Variants in SPTLC1 observed in about 807,000 individuals in gnomAD.
The protein encoded by SPTLC1 is serine palmitoyltransferase 1.
Under a neutral mutation model 68.9 loss-of-function variants are expected in SPTLC1, and 55 were observed. That is an observed-to-expected ratio of 0.80 (90% CI 0.64 to 1.00). The LOEUF (loss-of-function observed/expected upper bound fraction) is 1.00, where lower values mean the gene tolerates loss of function less well. Ranked by LOEUF, SPTLC1 falls within the 50% of genes least tolerant of loss-of-function variation. SPTLC1 has a pLI of 0.00. For synonymous variants in SPTLC1, 197 were observed against 201.6 expected, an observed-to-expected ratio of 0.98 and a Z score of 0.19; for missense variants, 449 against 573.1, an observed-to-expected ratio of 0.78 and a Z score of 2.21.
chr9:92,043,722 C>T (rs1427529954), intron 12 of SPTLC1, among the ~76,000 whole-genome samples: 2 of 152,302 alleles, frequency 1.3e-5, no homozygotes, highest in Non-Finnish European at 1.5e-5. Flanking sequence ...CTTTCACCTG[C>T]GTCAATCTCC....
At chr9:92,114,722 C>G (rs1230296057) in intron 1 of SPTLC1, among the ~76,000 whole-genome samples, 3 of 147,918 alleles carry the variant, frequency 2.0e-5, no homozygotes, top group Non-Finnish European at 3.0e-5. Context: ...GCAACAAGTG[C>G]GAAACACCGT....
At chr9:92,077,076 C>T (rs1834707599) in intron 5 of SPTLC1, 1 of 152,180 alleles carries the variant, frequency 6.6e-6, no homozygotes, top group African/African-American at 2.4e-5. Context: ...TAAAAACACA[C>T]CTTACTAAAC....
intron 5 of SPTLC1, among the ~76,000 whole-genome samples, chr9:92,070,809 C>T (rs1229263424): frequency 6.6e-6 from 1 of 152,200 alleles, no homozygotes; most frequent in African/African-American, 2.4e-5. Flanking sequence ...TGTTTAATTA[C>T]ATTAATACTT....
At chr9:92,041,199 A>C (rs886780953) in intron 12 of SPTLC1, among the ~76,000 whole-genome samples, 4 of 152,164 alleles carry the variant, frequency 2.6e-5, no homozygotes, top group African/African-American at 4.8e-5. Flanking sequence ...CCTTTCCCAA[A>C]CTCAATCTCA....
At chr9:92,062,439 TAGA>T (rs1232559090) in intron 6 of SPTLC1, among the ~76,000 whole-genome samples, 2 of 152,160 alleles carry the variant, frequency 1.3e-5, no homozygotes, top group African/African-American at 2.4e-5. Context: ...CAACAACTGA[TAGA>T]AGAACTAGAC....
intron 5 of SPTLC1, among the ~76,000 whole-genome samples, chr9:92,076,518 C>T (rs1003486291): frequency 1.3e-5 from 2 of 152,188 alleles, no homozygotes; most frequent in Non-Finnish European, 2.9e-5. Context: ...CTCCTTCTCC[C>T]TGCCTCTCAA....
intron 3 of SPTLC1, among the ~76,000 whole-genome samples, chr9:92,100,056 A>G (rs1347729497): frequency 6.6e-6 from 1 of 152,056 alleles, no homozygotes; most frequent in Non-Finnish European, 1.5e-5. Flanking sequence ...ACTGTAAGGA[A>G]ACCTGGGGAA....
At position 92,106,785 on chromosome 9, in the gene SPTLC1, G is replaced by A. The variant is rs180811746; in HGVS notation, c.260+1955C>T. The stretch of plus-strand genomic sequence containing the variant: ...TGAGAAAGGAGGCTGCTCTCATTCA[G>A]CTGCAGTTTCAGTGCCTCTGACCTC... On this transcript the variant is annotated intron_variant, in intron 3 of 14. Transcript: ENST00000262554. 2.8e-3 allele frequency among the ~76,000 whole-genome samples: 429 copies of A among 152,188 alleles called. 3 individuals are homozygous for A. Among genetic ancestry groups the A allele is most frequent in the African/African-American group, 9.9e-3 (410 of 41,510 alleles).
At chr9:92,039,704 C>T (rs1452761684) in intron 12 of SPTLC1, among the ~76,000 whole-genome samples, 1 of 152,140 alleles carries the variant, frequency 6.6e-6, no homozygotes, top group Non-Finnish European at 1.5e-5. Context: ...TACTAGGTAG[C>T]ACAATGGCAT....
rs749816277 is a variant in SPTLC1 at position 92,105,321 on chromosome 9, G to A, written c.260+3419C>T. On this transcript the variant is annotated intron_variant, in intron 3 of 14. Transcript: ENST00000262554. ...GGTCAGGCTTCCCAAAGAGAAGGAC[G>A]CCTCCAGCAGGGCAACATGCGTAAG... 35 of 1,526,104 alleles carry A rather than the reference G, an allele frequency of 2.3e-5. No homozygotes were observed. In the South Asian group the frequency reaches 3.2e-4, roughly 14 times the overall value. 94.5% of individuals were successfully genotyped at this position (1,526,104 alleles called of 1,614,324 possible).
At chr9:92,102,075 T>C (rs756304685) in intron 3 of SPTLC1, among the ~76,000 whole-genome samples, 12 of 152,200 alleles carry the variant, frequency 7.9e-5, no homozygotes, top group Non-Finnish European at 1.6e-4. Flanking sequence ...AAGTCTCCAT[T>C]AGACTATCAG....
chr9:92,102,359 T>G (rs1455434084), intron 3 of SPTLC1, among the ~76,000 whole-genome samples: 1 of 152,260 alleles, frequency 6.6e-6, no homozygotes, highest in East Asian at 1.9e-4. Context: ...AGTAAATTCA[T>G]ATTCAAACTG....
At chr9:92,037,488 G>A (rs1251430589) in intron 13 of SPTLC1, among the ~76,000 whole-genome samples, 3 of 152,140 alleles carry the variant, frequency 2.0e-5, no homozygotes, top group Non-Finnish European at 4.4e-5. Context: ...GGTGCAAGGT[G>A]GGTGGCATCC....
chr9:92,056,322 A>G (rs1380107298), intron 7 of SPTLC1, among the ~76,000 whole-genome samples: 1 of 152,100 alleles, frequency 6.6e-6, no homozygotes, highest in African/African-American at 2.4e-5. Flanking sequence ...CTCCGCCTCC[A>G]GGGTTCAAGC....
intron 13 of SPTLC1, 86 bp downstream of exon 13, chr9:92,038,162 T>TC: frequency 3.2e-6 from 3 of 930,388 alleles, no homozygotes; most frequent in Non-Finnish European, 3.6e-6. Context: ...GCAAAGAGAC[T>TC]TTTCTTAAAA....
chr9:92,034,972 G>T, intron 13 of SPTLC1, 89 bp from the exon 14 acceptor site: 1 of 1,050,102 alleles, frequency 9.5e-7, no homozygotes, highest in Non-Finnish European at 1.5e-6. Flanking sequence ...TGCAACGGTA[G>T]CTTTAATTCA....
At chr9:92,075,654 A>G (rs1352286820) in intron 5 of SPTLC1, among the ~76,000 whole-genome samples, 1 of 152,174 alleles carries the variant, frequency 6.6e-6, no homozygotes, top group Non-Finnish European at 1.5e-5. Context: ...TTATACTCTT[A>G]GAGTCTCTCA....
chr9:92,051,346 A>G (rs1833698623), intron 8 of SPTLC1: 1 of 815,240 alleles, frequency 1.2e-6, no homozygotes, highest in Non-Finnish European at 1.5e-6. Context: ...TTACATACAC[A>G]TTAGAAGAAT....
intron 12 of SPTLC1, among the ~76,000 whole-genome samples, chr9:92,042,317 A>G (rs548962260): frequency 6.6e-6 from 1 of 152,254 alleles, no homozygotes; most frequent in Non-Finnish European, 1.5e-5. Context: ...AGCATTAGGA[A>G]GGAAAGAGAG....
Sources: allele counts gnomAD v4.1 joint callset (sites outside exome capture counted in the v4.1 genomes callset), GRCh38; gene constraint gnomAD v4.1.1; transcripts MANE v1.5; gene names NCBI Gene and HGNC (gene_info 2026-07-23, HGNC 2026-07-21).